FRMD3: variants seen among roughly 807,000 people sequenced by gnomAD.
FRMD3 encodes FERM domain containing 3.
In FRMD3, 33 loss-of-function variants were observed where a neutral mutation model predicts 70.2. That is an observed-to-expected ratio of 0.47 (90% CI 0.36 to 0.63). The LOEUF (loss-of-function observed/expected upper bound fraction) is 0.63, where lower values mean the gene tolerates loss of function less well. FRMD3 is among the 20% of genes least tolerant of loss of function. The probability of loss-of-function intolerance (pLI) is 0.00; values close to 1 mark genes in which losing one functional copy is unlikely to be tolerated. For synonymous variants in FRMD3, 279 were observed against 255.9 expected, an observed-to-expected ratio of 1.09 and a Z score of -0.86; for missense variants, 632 against 711.4, an observed-to-expected ratio of 0.89 and a Z score of 1.27.
At chr9:83,336,320 A>T (rs1180653631) in intron 5 of FRMD3, among the ~76,000 whole-genome samples, 1 of 152,082 alleles carries the variant, frequency 6.6e-6, no homozygotes, top group Admixed American at 6.6e-5. Context: ...ATGTTTATTG[A>T]TTTAAAATGT....
At chr9:83,284,058 G>GTTTTTTTTTTTTTTTTTTTTT (rs1563993854) in intron 13 of FRMD3, among the ~76,000 whole-genome samples, 3 of 79,316 alleles carry the variant, frequency 3.8e-5, no homozygotes, top group African/African-American at 1.4e-4. Flanking sequence ...AAGCTAGGAT[G>GTTTTTTTTTTTTTTTTTTTTT]TTATTTTTTT....
intron 1 of FRMD3, among the ~76,000 whole-genome samples, chr9:83,463,778 G>A (rs1488340103): frequency 1.3e-5 from 2 of 152,232 alleles, no homozygotes; most frequent in East Asian, 3.8e-4. Flanking sequence ...ATCTCTGGTA[G>A]AATGCTTACC....
chr9:83,293,298 A>T (rs1563999107), intron 12 of FRMD3, among the ~76,000 whole-genome samples: 1 of 152,130 alleles, frequency 6.6e-6, no homozygotes, highest in South Asian at 2.1e-4. Flanking sequence ...ACTCATGACT[A>T]TGATTCTAAC....
chr9:83,377,193 T>A (rs1016131007), intron 2 of FRMD3, among the ~76,000 whole-genome samples: 2 of 152,200 alleles, frequency 1.3e-5, no homozygotes, highest in African/African-American at 4.8e-5. Context: ...ATATCTTTAA[T>A]ATGTTTTCTT....
chr9:83,351,323 T>TACACACACACACACACACGC (rs1824148519), intron 3 of FRMD3, among the ~76,000 whole-genome samples: 1 of 143,774 alleles, frequency 7.0e-6, no homozygotes, highest in Non-Finnish European at 1.5e-5. Context: ...AAACTGATCA[T>TACACACACACACACACACGC]ACACACACAC....
chr9:83,455,285 G>T (rs1226672798), intron 1 of FRMD3, among the ~76,000 whole-genome samples: 1 of 152,004 alleles, frequency 6.6e-6, no homozygotes, highest in African/African-American at 2.4e-5. Flanking sequence ...TTTTTAAATT[G>T]TATATTGATA....
Position 83,246,982 on chromosome 9 carries a change from G to A in FRMD3, c.*936C>T, listed in dbSNP as rs1587607073. 1 of 985,356 alleles carries A rather than the reference G, an allele frequency of 1.0e-6. No individual in the cohort carries two copies. The highest frequency in any genetic ancestry group is 1.2e-6 in the Non-Finnish European group (1 of 829,924). 61.0% of individuals were successfully genotyped at this position (985,356 alleles called of 1,614,324 possible). A position where few individuals can be genotyped will look rare whatever the true frequency, so the allele number is the denominator to read the frequency against. On this transcript the variant is annotated 3_prime_UTR_variant, in exon 14 of 14. Coordinates refer to ENST00000304195, the MANE Select transcript of FRMD3 (RefSeq NM_174938.6). ...TATCTGCCTTCACTCTTGGGTTAAT[G>A]TACATTGATATGCAACTGACTAGCA... is the stretch of plus-strand genomic sequence containing the variant.
intron 3 of FRMD3, among the ~76,000 whole-genome samples, chr9:83,351,730 T>G (rs145437200): frequency 1.3e-5 from 2 of 151,340 alleles, no homozygotes; most frequent in Non-Finnish European, 3.0e-5. Flanking sequence ...GATAGATAGA[T>G]AGACATGCCA....
chr9:83,570,190 T>A, the FRMD3 span, among the ~76,000 whole-genome samples: 1 of 152,162 alleles, frequency 6.6e-6, no homozygotes, highest in Admixed American at 6.5e-5. Context: ...GACAACAGCA[T>A]GAACAAAGCA....
intron 6 of FRMD3, among the ~76,000 whole-genome samples, chr9:83,325,822 A>G (rs1156276075): frequency 6.6e-6 from 1 of 152,186 alleles, no homozygotes; most frequent in Admixed American, 6.5e-5. Context: ...CAAACTAAGA[A>G]TGGGTTTTAC....
intron 5 of FRMD3, among the ~76,000 whole-genome samples, chr9:83,337,960 T>C (rs1461156670): frequency 2.0e-5 from 3 of 152,074 alleles, no homozygotes; most frequent in Non-Finnish European, 4.4e-5. Flanking sequence ...GACATCAGAG[T>C]CAAAGTAATA....
chr9:83,367,945 A>G (rs2131244161), intron 3 of FRMD3, among the ~76,000 whole-genome samples: 1 of 152,278 alleles, frequency 6.6e-6, no homozygotes. Flanking sequence ...TTTGCTAAAA[A>G]TTCATCAATT....
intron 1 of FRMD3, among the ~76,000 whole-genome samples, chr9:83,514,229 CCAGCACAGCAGTCTG>C (rs1564112208): frequency 1.3e-5 from 2 of 152,180 alleles, no homozygotes; most frequent in Non-Finnish European, 2.9e-5. Flanking sequence ...ATTCTCACTG[CCAGCACAGCAGTCTG>C]AAGTTGACCT....
chr9:83,297,712 A>T (rs1033348669), intron 12 of FRMD3: 7 of 471,164 alleles, frequency 1.5e-5, no homozygotes, highest in Non-Finnish European at 4.4e-6. Context: ...CTCATCCTGT[A>T]GTCTTCTGCT....
rs186665900 is a variant in FRMD3 at position 83,265,216 on chromosome 9, C to T, written c.1196-16700G>A. 2.5e-3 allele frequency among the ~76,000 whole-genome samples: 386 copies of T among 151,640 alleles called. 1 individual carries two copies. Among genetic ancestry groups the T allele is most frequent in the East Asian group, 7.8e-3 (40 of 5,138 alleles). ...GAGATTGGGATCATCCTGGCTAACA[C>T]GGTGAAACCCCGTCTCTACTAAAAA... On this transcript the variant is annotated intron_variant, in intron 13 of 13. Coordinates refer to ENST00000304195, the MANE Select transcript of FRMD3 (RefSeq NM_174938.6).
chr9:83,544,759 T>C, the FRMD3 span, among the ~76,000 whole-genome samples: 60 of 152,180 alleles, frequency 3.9e-4, 2 homozygotes, highest in East Asian at 0.011. Context: ...AAAACAACCA[T>C]ACTAACGTTA....
intron 1 of FRMD3, among the ~76,000 whole-genome samples, chr9:83,481,416 T>C (rs1828564990): frequency 6.6e-6 from 1 of 152,190 alleles, no homozygotes; most frequent in Non-Finnish European, 1.5e-5. Flanking sequence ...ATAAAAGAAA[T>C]TCTGCTTCCA....
chr9:83,244,840 C>T lies in FRMD3; in HGVS notation c.*3078G>A, dbSNP rs79486052. On this transcript the variant is annotated 3_prime_UTR_variant, in exon 14 of 14. Coordinates refer to ENST00000304195, the MANE Select transcript of FRMD3 (RefSeq NM_174938.6). The stretch of plus-strand genomic sequence containing the variant: ...ATTAGACAAACCACAAAATATATTC[C>T]AAATACATAACATTTTACAATATTT... 20,432 of 984,106 alleles carry T rather than the reference C, an allele frequency of 0.021. 245 individuals are homozygous for T. The highest frequency in any genetic ancestry group is 0.023 in the Non-Finnish European group (18,994 of 828,832). 61.0% of individuals were successfully genotyped at this position (984,106 alleles called of 1,614,324 possible). A position where few individuals can be genotyped will look rare whatever the true frequency, so the allele number is the denominator to read the frequency against.
chr9:83,505,437 C>T (rs940668556), intron 1 of FRMD3, among the ~76,000 whole-genome samples: 63 of 152,212 alleles, frequency 4.1e-4, no homozygotes, highest in African/African-American at 1.4e-3. Flanking sequence ...CAGCTGGGGC[C>T]GTTTTGTTTA....
Sources: allele counts gnomAD v4.1 joint callset (sites outside exome capture counted in the v4.1 genomes callset), GRCh38; gene constraint gnomAD v4.1.1; transcripts MANE v1.5; gene names NCBI Gene and HGNC (gene_info 2026-07-23, HGNC 2026-07-21).